The following DZIP1 variants were observed in gnomAD, a reference collection of about 807,000 sequenced individuals.
The protein encoded by DZIP1 is DAZ interacting zinc finger protein 1, also known as cilium assembly protein DZIP1.
In DZIP1, 97 loss-of-function variants were observed where a neutral mutation model predicts 107.6. That is an observed-to-expected ratio of 0.90 (90% CI 0.77 to 1.07). The LOEUF (loss-of-function observed/expected upper bound fraction) is 1.07. Ranked by LOEUF, DZIP1 falls within the 50% of genes least tolerant of loss-of-function variation. The probability of loss-of-function intolerance (pLI) is 0.00; values close to 1 mark genes in which losing one functional copy is unlikely to be tolerated. For synonymous variants in DZIP1, 390 were observed against 386.4 expected (o/e 1.01, Z -0.11); for missense variants, 1,035 against 1,063.6 (o/e 0.97, Z 0.37).
chr13:95,599,274 G>T (rs2044545243), intron 15 of DZIP1, 91 bp downstream of exon 15: 7 of 1,119,248 alleles, frequency 6.3e-6, no homozygotes, highest in African/African-American at 1.6e-5. Context: ...TGATGTAGTG[G>T]AATAAAAACC....
Position 95,584,721 on chromosome 13 carries a change from G to A in DZIP1, c.2524+15C>T, listed in dbSNP as rs1229898896. 6 of 1,604,370 alleles carry A rather than the reference G, an allele frequency of 3.7e-6. No homozygotes were observed. Among genetic ancestry groups the A allele is most frequent in the Non-Finnish European group, 4.3e-6 (5 of 1,175,702 alleles). On this transcript the variant is annotated intron_variant, in intron 22 of 22. Transcript: ENST00000376829. Reference sequence around the variant, plus strand: ...AAAATGGATCGAGCTTGTATTAGAGGGGAAAGCAGCAAACCTTCTCCCTTT... The same window carrying A: ...AAAATGGATCGAGCTTGTATTAGAGAGGAAAGCAGCAAACCTTCTCCCTTT...
intron 5 of DZIP1, among the ~76,000 whole-genome samples, chr13:95,635,215 T>C (rs1740660233): frequency 6.6e-6 from 1 of 150,960 alleles, no homozygotes; most frequent in African/African-American, 2.5e-5. Flanking sequence ...TTTTTTTTTT[T>C]TTTAAGTGTC....
At chr13:95,598,790 GA>G (rs1259023764) in intron 15 of DZIP1, among the ~76,000 whole-genome samples, 8 of 152,006 alleles carry the variant, frequency 5.3e-5, no homozygotes, top group African/African-American at 1.2e-4. Flanking sequence ...CTAATTGACA[GA>G]AAATAATTTT....
chr13:95,587,652 G>C lies in DZIP1; in HGVS notation c.2105C>G (p.Pro702Arg). The C allele has an allele frequency of 6.2e-7, 1 of 1,614,144 alleles. No homozygotes were observed. Among genetic ancestry groups the C allele is most frequent in the Non-Finnish European group, 8.5e-7 (1 of 1,180,018 alleles). Residue 702 changes from proline to arginine, a missense_variant, in exon 20 of 23, where the codon CCT becomes CGT. Transcript: ENST00000376829. ...GCCCTTGTTTTGTGGTGGCGGCACAGGAAGTGGGCCTGGGGATGCGTATGC... is the reference window on the plus strand; with the variant it reads ...GCCCTTGTTTTGTGGTGGCGGCACACGAAGTGGGCCTGGGGATGCGTATGC... ...IRAYASPGPLPVPPPQNKGSF... is the reference protein window; with the variant it reads ...IRAYASPGPLRVPPPQNKGSF...
chr13:95,604,131 C>CCTT (rs1299045036), intron 14 of DZIP1, among the ~76,000 whole-genome samples: 1 of 152,196 alleles, frequency 6.6e-6, no homozygotes, highest in Non-Finnish European at 1.5e-5. Flanking sequence ...AACCCTGCTT[C>CCTT]TCTCACAGGT....
rs537250461 is a variant in DZIP1 at position 95,590,001 on chromosome 13, G to A, written c.1844-69C>T. 101 of 1,549,346 alleles carry A rather than the reference G, an allele frequency of 6.5e-5. 1 individual carries two copies. In the South Asian group the frequency reaches 8.8e-4, roughly 13 times the overall value. On this transcript the variant is annotated intron_variant, in intron 17 of 22. Transcript: ENST00000376829. The stretch of plus-strand genomic sequence containing the variant: ...CAGTAAGTGAAAAGCAAAGGTAAAC[G>A]GTATAATACCCCCTATGCTGCTGTG...
chr13:95,636,272 G>A (rs1877805686), intron 5 of DZIP1, among the ~76,000 whole-genome samples: 1 of 151,908 alleles, frequency 6.6e-6, no homozygotes, highest in African/African-American at 2.4e-5. Context: ...GCCGGGTGCA[G>A]TGGCTCACGC....
rs780362143 is a variant in DZIP1, at chr13:95,609,443, T to C, written c.1420+14A>G. 6 of 1,547,866 alleles carry C rather than the reference T, an allele frequency of 3.9e-6. No homozygotes were observed. In the South Asian group the frequency reaches 7.4e-5, roughly 19 times the overall value. Reference sequence around the variant, plus strand: ...AGATACCTTTGGAGCCCTGCATCTATTATAGGAACTTACTAGGCACAGCTG... The same window carrying C: ...AGATACCTTTGGAGCCCTGCATCTACTATAGGAACTTACTAGGCACAGCTG... On this transcript the variant is annotated intron_variant, in intron 13 of 22. Coordinates refer to ENST00000376829, the MANE Select transcript of DZIP1 (RefSeq NM_198968.4).
rs1878440252 is a variant in DZIP1 at position 95,641,166 on chromosome 13, A to G, written c.597+129T>C. On this transcript the variant is annotated intron_variant, in intron 5 of 22. Coordinates refer to ENST00000376829, the MANE Select transcript of DZIP1 (RefSeq NM_198968.4). The surrounding 1 kb of genome is among the most constrained non-coding windows in gnomAD (Gnocchi z 4.3). ...TTGGTTAAATGACTGTTTTTGCTTA[A>G]ATATACTGTGTCTTCTGATATACAA... is the stretch of plus-strand genomic sequence containing the variant. The G allele has an allele frequency of 7.5e-7, 1 of 1,330,854 alleles. No individual in the cohort carries two copies. The highest frequency in any genetic ancestry group is 1.0e-6 in the Non-Finnish European group (1 of 998,170). 82.4% of individuals were successfully genotyped at this position (1,330,854 alleles called of 1,614,324 possible). A position where few individuals can be genotyped will look rare whatever the true frequency, so the allele number is the denominator to read the frequency against.
chr13:95,587,567 C>T lies in DZIP1; in HGVS notation c.2190G>A (p.Glu730=). The T allele has an allele frequency of 1.2e-6, 2 of 1,614,054 alleles. No individual in the cohort carries two copies. Among genetic ancestry groups the T allele is most frequent in the Non-Finnish European group, 1.7e-6 (2 of 1,180,000 alleles). The stretch of plus-strand genomic sequence containing the variant: ...CGGGCTTGGGAGAATCATCAGTGTC[C>T]TCGATTTCGCTTCCCTCGGTCCCGT... ...DADGTEGSEI[E]DTDDSPKPAG... Residue 730 remains glutamate (E), a synonymous_variant, in exon 20 of 23, where the codon GAG becomes GAA. Transcript: ENST00000376829.
chr13:95,580,430 G>GTTTAC lies in DZIP1; in HGVS notation c.*1799_*1803dup, dbSNP rs1348532438. 6.6e-6 allele frequency: 1 copy of GTTTAC among 151,778 alleles called. No individual in the cohort carries two copies. The highest frequency in any genetic ancestry group is 1.9e-4 in the East Asian group (1 of 5,178). 9.4% of individuals were successfully genotyped at this position (151,778 alleles called of 1,614,324 possible). ...TATAGTGACTTAATTTAAATACTGG[G>GTTTAC]TTTACTTAGCAAAAGTTCATTTCCC... On this transcript the variant is annotated 3_prime_UTR_variant, in exon 23 of 23. Coordinates refer to ENST00000376829, the MANE Select transcript of DZIP1 (RefSeq NM_198968.4).
intron 18 of DZIP1, 141 bp downstream of exon 18, chr13:95,589,662 G>C: frequency 9.1e-7 from 1 of 1,102,208 alleles, no homozygotes; most frequent in Non-Finnish European, 1.3e-6. Flanking sequence ...GACTATACTG[G>C]CATCCTGATC....
chr13:95,618,150 G>A (rs966998935), intron 10 of DZIP1, among the ~76,000 whole-genome samples: 1 of 152,158 alleles, frequency 6.6e-6, no homozygotes, highest in African/African-American at 2.4e-5. Flanking sequence ...AACTCTCTCT[G>A]TTCAGTCCCT....
At chr13:95,632,909 A>C (rs191282319) in intron 6 of DZIP1, among the ~76,000 whole-genome samples, 3 of 152,134 alleles carry the variant, frequency 2.0e-5, no homozygotes, top group African/African-American at 7.2e-5. Context: ...CTGCGCTATG[A>C]TCTTCATCGC....
rs1201475382 is a variant in DZIP1, at chr13:95,586,020, ATTC to A, written c.2332_2334del (p.Glu778del). ...AGTGATTTCACCTTTAGTTCTTGTA[ATTC>A]TTCTTTTTTGATAAACATCTCAGGG... On this transcript the variant is annotated inframe_deletion, in exon 21 of 23. Transcript: ENST00000376829. 4.4e-6 allele frequency: 7 copies of A among 1,600,812 alleles called. No homozygotes were observed. Among genetic ancestry groups the A allele is most frequent in the South Asian group, 1.1e-5 (1 of 87,608 alleles).
intron 3 of DZIP1, among the ~76,000 whole-genome samples, chr13:95,642,604 G>C (rs541231270): frequency 1.3e-5 from 2 of 152,220 alleles, no homozygotes; most frequent in South Asian, 2.1e-4. Context: ...TGATAGAGGG[G>C]GACTCGCTGC....
At chr13:95,597,859 T>C (rs2044501801) in intron 15 of DZIP1, among the ~76,000 whole-genome samples, 2 of 152,340 alleles carry the variant, frequency 1.3e-5, no homozygotes, top group Admixed American at 6.5e-5. Flanking sequence ...ATTGGCAACC[T>C]ACTGTACAAT....
intron 21 of DZIP1, among the ~76,000 whole-genome samples, chr13:95,585,301 C>T (rs1407314073): frequency 6.6e-6 from 1 of 152,172 alleles, no homozygotes; most frequent in Non-Finnish European, 1.5e-5. Context: ...TCAGACCAAC[C>T]GAATAGCCCC....
intron 7 of DZIP1, 129 bp downstream of exon 7, chr13:95,629,860 C>T: frequency 1.1e-6 from 1 of 890,446 alleles, no homozygotes; most frequent in Non-Finnish European, 1.6e-6. Context: ...AGTAGATTGG[C>T]AATAAAAAAT....
Sources: gnomAD v4.1 joint callset for allele counts (sites outside exome capture counted in the v4.1 genomes callset) on GRCh38, gnomAD v4.1.1 for gene constraint, Gnocchi (gnomAD v3.1) non-coding constraint, MANE v1.5 for transcripts, NCBI Gene and HGNC (gene_info 2026-07-23, HGNC 2026-07-21) for gene names.